Variants in FAAH2 observed in about 807,000 individuals in gnomAD.
The protein encoded by FAAH2 is fatty-acid amide hydrolase 2.
Under a neutral mutation model 36.9 loss-of-function variants are expected in FAAH2, and 60 were observed. The ratio of observed to expected loss-of-function variants is 1.63; its 90% CI spans 1.32 to 2.02. The LOEUF (loss-of-function observed/expected upper bound fraction) is 2.02, where lower values mean the gene tolerates loss of function less well. Ranked by LOEUF, FAAH2 falls within the 30% of genes most tolerant of loss-of-function variation. The pLI, the probability that FAAH2 is intolerant of heterozygous loss-of-function variation, is 0.00. For missense variants in FAAH2, 689 were observed against 397.5 expected (o/e 1.73, Z -6.23); for synonymous variants, 214 against 143.8 (o/e 1.49, Z -3.49).
chrX:57,249,266 A>G, the FAAH2 span, among the ~76,000 whole-genome samples: 137 of 112,097 alleles, frequency 1.2e-3, 1 homozygote, highest in East Asian at 0.029. Flanking sequence ...TGATGAATGT[A>G]TAAGTTAAAC....
chrX:57,394,510 G>C (rs890262004), intron 7 of FAAH2: 2 of 1,205,509 alleles, frequency 1.7e-6, no homozygotes, highest in South Asian at 1.8e-5. Flanking sequence ...CAGGTGTCTT[G>C]AGGTTAAGGT....
intron 8 of FAAH2, among the ~76,000 whole-genome samples, chrX:57,442,319 ATAGT>A (rs904732388): frequency 1.8e-5 from 2 of 111,737 alleles, no homozygotes; most frequent in African/African-American, 6.5e-5. Flanking sequence ...TATATTTAGG[ATAGT>A]TAGCTCTTCT....
the FAAH2 span, among the ~76,000 whole-genome samples, chrX:57,273,617 C>T: frequency 9.0e-6 from 1 of 111,723 alleles, no homozygotes. Context: ...TCACTGAAAA[C>T]CTCACAACTA....
rs186624145 is a variant in FAAH2, at chrX:57,484,654, A to G, written c.1424-4103A>G. Reference sequence around the variant, plus strand: ...AGCTTTATGGCTCACATCTTCTTTGACATATTAGTGTTGCTGCTTCGTGGA... The same window carrying G: ...AGCTTTATGGCTCACATCTTCTTTGGCATATTAGTGTTGCTGCTTCGTGGA... On this transcript the variant is annotated intron_variant, in intron 10 of 10. Transcript: ENST00000374900. Among the ~76,000 whole-genome samples the G allele has an allele frequency of 5.4e-5, 6 of 111,279 alleles. No homozygotes were observed. In the East Asian group the frequency reaches 1.4e-3, roughly 26 times the overall value.
In FAAH2 at chrX:57,427,856, C is replaced by T. The variant is rs750205359; in HGVS notation, c.997-4062C>T. On this transcript the variant is annotated intron_variant, in intron 7 of 10. Transcript: ENST00000374900. ...TAAAAACTGAAACAAGACAAAAATG[C>T]CCATTTTCACTGCTCCTTTTCAACG... Among the ~76,000 whole-genome samples the T allele has an allele frequency of 1.2e-4, 13 of 111,474 alleles. No homozygotes were observed. The East Asian group carries it at 2.8e-3, about 24-fold the overall frequency.
chrX:57,207,204 T>A, the FAAH2 span, among the ~76,000 whole-genome samples: 3 of 111,232 alleles, frequency 2.7e-5, no homozygotes, highest in Non-Finnish European at 3.8e-5. Context: ...AATTGGAACT[T>A]GTGCTCTCCA....
At chrX:57,157,521 A>G in the FAAH2 span, among the ~76,000 whole-genome samples, 2 of 111,315 alleles carry the variant, frequency 1.8e-5, no homozygotes, top group African/African-American at 6.5e-5. Flanking sequence ...GTTCCCATGC[A>G]ATCTCCACAC....
chrX:57,171,056 C>T, the FAAH2 span, among the ~76,000 whole-genome samples: 5 of 111,040 alleles, frequency 4.5e-5, no homozygotes, highest in Non-Finnish European at 1.9e-5. Flanking sequence ...GAATAATGGC[C>T]TCCAGTTCCA....
At chrX:57,395,222 C>A in intron 7 of FAAH2, 1 of 583,740 alleles carries the variant, frequency 1.7e-6, no homozygotes, top group Non-Finnish European at 3.0e-6. Context: ...GCTTTCATCC[C>A]AATCTCTTCA....
At chrX:57,211,497 A>G in the FAAH2 span, among the ~76,000 whole-genome samples, 1 of 111,726 alleles carries the variant, frequency 9.0e-6, no homozygotes, top group African/African-American at 3.3e-5. Context: ...GGAGTTTTAC[A>G]ACCTGGCCCA....
At chrX:57,452,180 G>T in intron 10 of FAAH2, 1 of 754,267 alleles carries the variant, frequency 1.3e-6, no homozygotes, top group Non-Finnish European at 1.6e-6. Context: ...GAGATGAACA[G>T]CATTGGCCAT....
upstream of FAAH2, among the ~76,000 whole-genome samples, chrX:57,286,153 G>A (rs779420396): frequency 3.6e-5 from 4 of 111,833 alleles, no homozygotes; most frequent in South Asian, 1.1e-3. Flanking sequence ...GTCAAAAAAG[G>A]CATTTCAAGT....
At chrX:57,161,034 T>C in the FAAH2 span, among the ~76,000 whole-genome samples, 5 of 112,162 alleles carry the variant, frequency 4.5e-5, no homozygotes, top group Non-Finnish European at 9.4e-5. Context: ...GCTTTGAATG[T>C]GTCCCAGAGA....
intron 8 of FAAH2, among the ~76,000 whole-genome samples, chrX:57,442,055 T>C (rs1193611139): frequency 2.7e-5 from 3 of 111,556 alleles, no homozygotes; most frequent in African/African-American, 6.5e-5. Flanking sequence ...GGAATAAGTG[T>C]GATGTGGTGC....
At position 57,472,212 on chromosome X, in the gene FAAH2, G is replaced by A. The variant is rs557423150; in HGVS notation, c.1424-16545G>A. Among the ~76,000 whole-genome samples, 4 of 111,934 alleles carry A rather than the reference G, an allele frequency of 3.6e-5. No individual in the cohort carries two copies. The South Asian group carries it at 1.1e-3, about 31-fold the overall frequency. ...GGACTTCATGTCTAAAACACCAAAA[G>A]CAATGGCAACAAAAGCCACAATTGA... On this transcript the variant is annotated intron_variant, in intron 10 of 10. Transcript: ENST00000374900.
At chrX:57,348,970 T>A (rs2053904572) in intron 5 of FAAH2, among the ~76,000 whole-genome samples, 2 of 103,929 alleles carry the variant, frequency 1.9e-5, no homozygotes, top group African/African-American at 7.0e-5. Flanking sequence ...ATTTAAAGAA[T>A]CCAAAATAAA....
intron 5 of FAAH2, among the ~76,000 whole-genome samples, chrX:57,344,887 T>A (rs1240564274): frequency 9.0e-6 from 1 of 111,500 alleles, no homozygotes; most frequent in East Asian, 2.8e-4. Flanking sequence ...GTAAATCACT[T>A]TTTTTTATTT....
intron 7 of FAAH2, chrX:57,394,533 T>C (rs2055246283): frequency 1.7e-6 from 2 of 1,208,160 alleles, no homozygotes; most frequent in South Asian, 3.5e-5. Context: ...TTATACTGAA[T>C]CATCCACTTT....
At position 57,448,621 on chromosome X, in the gene FAAH2, G is replaced by T. The variant is rs755839541; in HGVS notation, c.1326G>T (p.Met442Ile). 7.4e-6 allele frequency: 9 copies of T among 1,209,732 alleles called. No homozygotes were observed. The Admixed American group carries it at 1.5e-4, about 21-fold the overall frequency. Residue 442 changes from methionine (M) to isoleucine (I), a missense_variant, in exon 10 of 11, where the codon ATG (methionine) becomes ATT (isoleucine). Met to Ile is a conservative substitution (Grantham distance 10). Transcript: ENST00000374900. ...EESLRKELVDMLGDDGVFLYP... is the reference protein window; with the variant it reads ...EESLRKELVDILGDDGVFLYP... ...GCCTGCGTAAAGAGCTGGTGGATAT[G>T]CTAGGTGATGATGGTGTGTTCTTAT...
Sources: gnomAD v4.1 joint callset for allele counts (sites outside exome capture counted in the v4.1 genomes callset) on GRCh38, gnomAD v4.1.1 for gene constraint, MANE v1.5 for transcripts, NCBI Gene and HGNC (gene_info 2026-07-23, HGNC 2026-07-21) for gene names.